The following CATSPERE variants were observed in gnomAD, a reference collection of about 807,000 sequenced individuals.
The protein encoded by CATSPERE is cation channel sperm-associated auxiliary subunit epsilon.
A neutral mutation model predicts 114.1 loss-of-function variants in CATSPERE; 93 were observed. The ratio of observed to expected loss-of-function variants is 0.81; its 90% CI spans 0.69 to 0.97. The LOEUF (loss-of-function observed/expected upper bound fraction) is 0.97. Among genes scored for constraint, CATSPERE ranks in the 50% least tolerant of loss-of-function variants. The pLI, the probability that CATSPERE is intolerant of heterozygous loss-of-function variation, is 0.00. For missense variants in CATSPERE, 1,058 were observed against 1,131.6 expected (o/e 0.93, Z 0.93); for synonymous variants, 341 against 384.1 (o/e 0.89, Z 1.31).
chr1:244,489,815 C>T (rs1462182457), intron 5 of CATSPERE, among the ~76,000 whole-genome samples: 2 of 151,716 alleles, frequency 1.3e-5, no homozygotes, highest in Non-Finnish European at 2.9e-5. Flanking sequence ...TTGGAATTCT[C>T]AAGCAAACAC....
chr1:244,572,183 G>A, intron 10 of CATSPERE, 147 bp from the exon 11 acceptor site: 1 of 606,698 alleles, frequency 1.6e-6, no homozygotes, highest in Non-Finnish European at 3.0e-6. Context: ...GTAAAGTTAT[G>A]GGTTCATATC....
chr1:244,505,931 G>C (rs770422518), intron 7 of CATSPERE, among the ~76,000 whole-genome samples: 1 of 152,046 alleles, frequency 6.6e-6, no homozygotes, highest in South Asian at 2.1e-4. Flanking sequence ...ACTTGAACCC[G>C]GGAGGCGGAG....
chr1:244,496,697 G>T (rs991213337), intron 6 of CATSPERE, among the ~76,000 whole-genome samples: 2 of 151,980 alleles, frequency 1.3e-5, no homozygotes, highest in African/African-American at 4.8e-5. Flanking sequence ...CCATCTTAAT[G>T]AAAAAAATAT....
chr1:244,508,523 A>G (rs542044303), intron 7 of CATSPERE, among the ~76,000 whole-genome samples: 9 of 151,552 alleles, frequency 5.9e-5, no homozygotes, highest in African/African-American at 1.9e-4. Flanking sequence ...GGATGGTCTC[A>G]ATACCCTGAC....
intron 7 of CATSPERE, among the ~76,000 whole-genome samples, chr1:244,502,321 AC>A (rs1203375236): frequency 6.6e-6 from 1 of 152,112 alleles, no homozygotes; most frequent in African/African-American, 2.4e-5. Context: ...TTTTTCAAAC[AC>A]CAACTCAAAC....
rs539362712 is a variant in CATSPERE at position 244,630,490 on chromosome 1, G to A, written c.2649-4999G>A. 6.6e-4 allele frequency among the ~76,000 whole-genome samples: 100 copies of A among 152,188 alleles called. 1 individual carries two copies. The South Asian group carries it at 0.011, about 16-fold the overall frequency. ...GGGGGTGGTATGGATTTGCTTCTTCGATGAGACTACATTGCGTGGGGGAGA... is the reference window on the plus strand; with the variant it reads ...GGGGGTGGTATGGATTTGCTTCTTCAATGAGACTACATTGCGTGGGGGAGA... On this transcript the variant is annotated intron_variant, in intron 20 of 21. Coordinates refer to ENST00000366534, the MANE Select transcript of CATSPERE (RefSeq NM_001130957.2).
intron 20 of CATSPERE, among the ~76,000 whole-genome samples, chr1:244,630,163 G>A (rs1361379627): frequency 6.6e-6 from 1 of 152,202 alleles, no homozygotes; most frequent in Non-Finnish European, 1.5e-5. Context: ...CTTTCTGCCT[G>A]TTGAGTTTCT....
chr1:244,516,472 T>A (rs1162079524), intron 7 of CATSPERE, among the ~76,000 whole-genome samples: 1 of 151,998 alleles, frequency 6.6e-6, no homozygotes, highest in Non-Finnish European at 1.5e-5. Flanking sequence ...CTCAGCCTCC[T>A]GAGTAGCTGG....
intron 1 of CATSPERE, among the ~76,000 whole-genome samples, chr1:244,455,473 G>A (rs1226188783): frequency 2.6e-5 from 4 of 151,416 alleles, no homozygotes; most frequent in African/African-American, 7.3e-5. Flanking sequence ...GCCGCTTGGC[G>A]TGGCTAAAGT....
intron 17 of CATSPERE, among the ~76,000 whole-genome samples, chr1:244,600,262 A>C (rs1482194041): frequency 6.6e-6 from 1 of 152,076 alleles, no homozygotes; most frequent in Non-Finnish European, 1.5e-5. Flanking sequence ...CTGGCCCAGG[A>C]TAATGGAGCT....
chr1:244,493,292 G>C (rs1343487765), intron 6 of CATSPERE, among the ~76,000 whole-genome samples: 1 of 152,096 alleles, frequency 6.6e-6, no homozygotes. Context: ...CAGAAATACT[G>C]CCACATATCT....
chr1:244,522,628 C>A (rs1315589407), intron 8 of CATSPERE, among the ~76,000 whole-genome samples: 4 of 151,840 alleles, frequency 2.6e-5, no homozygotes, highest in African/African-American at 4.8e-5. Flanking sequence ...ATCAAATAGA[C>A]GCAATAAAAA....
rs1006535777 is a variant in CATSPERE at position 244,640,149 on chromosome 1, G to A, written c.*68G>A. On this transcript the variant is annotated 3_prime_UTR_variant, in exon 22 of 22. Coordinates refer to ENST00000366534, the MANE Select transcript of CATSPERE (RefSeq NM_001130957.2). Reference sequence around the variant, plus strand: ...AAACAGTGTATTACATAGTGATATTGAGAGTGTGTGTTTGACCAAGAAATA... The same window carrying A: ...AAACAGTGTATTACATAGTGATATTAAGAGTGTGTGTTTGACCAAGAAATA... 13 of 1,273,458 alleles carry A rather than the reference G, an allele frequency of 1.0e-5. No individual in the cohort carries two copies. In the African/African-American group the frequency reaches 1.8e-4, roughly 18 times the overall value. 78.9% of individuals were successfully genotyped at this position (1,273,458 alleles called of 1,614,324 possible).
intron 20 of CATSPERE, among the ~76,000 whole-genome samples, chr1:244,618,643 G>T (rs983829796): frequency 6.6e-6 from 1 of 152,170 alleles, no homozygotes; most frequent in African/African-American, 2.4e-5. Flanking sequence ...TGGGTGTGGT[G>T]GTGCATGCCT....
At chr1:244,464,102 G>C (rs1667228081) in intron 2 of CATSPERE, 146 bp downstream of exon 2, 1 of 638,458 alleles carries the variant, frequency 1.6e-6, no homozygotes, top group Non-Finnish European at 2.8e-6. Flanking sequence ...CCCTAACATA[G>C]GTCCCCTCCT....
rs562562179 is a variant in CATSPERE at position 244,477,796 on chromosome 1, TATCTC to T, written c.189-109_189-105del. 232 of 992,890 alleles carry T rather than the reference TATCTC, an allele frequency of 2.3e-4. No homozygotes were observed. In the African/African-American group the frequency reaches 3.4e-3, roughly 14 times the overall value. 61.5% of individuals were successfully genotyped at this position (992,890 alleles called of 1,614,324 possible). On this transcript the variant is annotated intron_variant, in intron 3 of 21. Coordinates refer to ENST00000366534, the MANE Select transcript of CATSPERE (RefSeq NM_001130957.2). ...GTAAAATATTGCAAATATTTAAAAA[TATCTC>T]TTATCAGCATACAATTGAAATTTTT...
chr1:244,487,585 C>T (rs1171364060), intron 5 of CATSPERE, among the ~76,000 whole-genome samples: 5 of 152,168 alleles, frequency 3.3e-5, no homozygotes, highest in African/African-American at 9.7e-5. Context: ...CAGCCGCTAA[C>T]GTGCCTTACT....
At chr1:244,598,382 A>T (rs931214909) in intron 17 of CATSPERE, 2 of 159,490 alleles carry the variant, frequency 1.3e-5, no homozygotes, top group African/African-American at 4.8e-5. Flanking sequence ...ACGTAAAATC[A>T]TGAGACAATT....
chr1:244,601,725 G>A (rs1669243560), intron 17 of CATSPERE, among the ~76,000 whole-genome samples: 1 of 152,132 alleles, frequency 6.6e-6, no homozygotes, highest in Admixed American at 6.5e-5. Context: ...GGCCAAGGTG[G>A]GCGGATCACT....
Sources: allele counts gnomAD v4.1 joint callset (sites outside exome capture counted in the v4.1 genomes callset), GRCh38; gene constraint gnomAD v4.1.1; transcripts MANE v1.5; gene names NCBI Gene and HGNC (gene_info 2026-07-23, HGNC 2026-07-21).